The following PLEKHH1 variants were observed in gnomAD, a reference collection of about 807,000 sequenced individuals.
PLEKHH1 encodes pleckstrin homology domain-containing family H member 1.
PLEKHH1 carries 104 observed loss-of-function variants against 160.0 expected under a neutral mutation model. The ratio of observed to expected loss-of-function variants is 0.65; its 90% confidence interval spans 0.55 to 0.76. The LOEUF (loss-of-function observed/expected upper bound fraction) is 0.76. PLEKHH1 is among the 30% of genes least tolerant of loss of function. The probability of loss-of-function intolerance (pLI) is 0.00; values close to 1 mark genes in which losing one functional copy is unlikely to be tolerated. For missense variants in PLEKHH1, 1,427 were observed against 1,724.1 expected, an observed-to-expected ratio of 0.83 and a Z score of 3.05; for synonymous variants, 619 against 678.4, an observed-to-expected ratio of 0.91 and a Z score of 1.36.
chr14:67,538,788 A>G (rs1213555406), intron 1 of PLEKHH1, among the ~76,000 whole-genome samples: 1 of 152,150 alleles, frequency 6.6e-6, no homozygotes, highest in Non-Finnish European at 1.5e-5. Context: ...CAGGGAGAGG[A>G]TTAAACAGAC....
At chr14:67,581,975 A>G (rs2035922414) in intron 23 of PLEKHH1, 94 bp from the exon 24 acceptor site, 1 of 1,249,718 alleles carries the variant, frequency 8.0e-7, no homozygotes. Context: ...AGAGTACTTT[A>G]TCTTTTTGGA....
chr14:67,551,003 A>G (rs576366638), intron 2 of PLEKHH1, among the ~76,000 whole-genome samples: 4 of 152,252 alleles, frequency 2.6e-5, no homozygotes, highest in Non-Finnish European at 5.9e-5. Flanking sequence ...GTTTAGCTAC[A>G]TAAGTGTAGC....
At chr14:67,547,138 T>C (rs1212268888) in intron 2 of PLEKHH1, among the ~76,000 whole-genome samples, 2 of 151,926 alleles carry the variant, frequency 1.3e-5, no homozygotes, top group Non-Finnish European at 2.9e-5. Context: ...TAGGGGTGCA[T>C]AGTGTGATGA....
At chr14:67,534,725 C>T (rs1401093297) in intron 1 of PLEKHH1, among the ~76,000 whole-genome samples, 4 of 152,052 alleles carry the variant, frequency 2.6e-5, no homozygotes. Flanking sequence ...AAATGTGGAG[C>T]CTCTTCTGCC....
Position 67,587,372 on chromosome 14 carries a change from T to C in PLEKHH1, c.*137T>C. 2 of 997,680 alleles carry C rather than the reference T, an allele frequency of 2.0e-6. No individual in the cohort carries two copies. Among genetic ancestry groups the C allele is most frequent in the East Asian group, 2.5e-5 (1 of 40,400 alleles). 61.8% of individuals were successfully genotyped at this position (997,680 alleles called of 1,614,324 possible). A position where few individuals can be genotyped will look rare whatever the true frequency, so the allele number is the denominator to read the frequency against. On this transcript the variant is annotated 3_prime_UTR_variant, in exon 29 of 29. Transcript: ENST00000329153. ...TCTGTGAAATGTGTATTTTAGTCTC[T>C]GTGAAGCCTTTACTCTCTAGGTGCC...
At position 67,582,034 on chromosome 14, in the gene PLEKHH1, T is replaced by C; in HGVS notation, c.3285-35T>C. On this transcript the variant is annotated intron_variant, in intron 23 of 28. Transcript: ENST00000329153. This position sits in a 1 kb window ranked among gnomAD's most constrained non-coding sequence, Gnocchi z 5.0. The stretch of plus-strand genomic sequence containing the variant: ...AAGCCCCATCCCTGTTTGGAATCCC[T>C]GCTGAGTCCTGGTTTCTTATTCTCT... 1 of 1,589,116 alleles carries C rather than the reference T, an allele frequency of 6.3e-7. No individual in the cohort carries two copies. Among genetic ancestry groups the C allele is most frequent in the Non-Finnish European group, 8.6e-7 (1 of 1,166,920 alleles).
intron 7 of PLEKHH1, among the ~76,000 whole-genome samples, chr14:67,567,138 T>TCGTGTTC (rs72052449): frequency 2.0e-5 from 3 of 151,890 alleles, no homozygotes; most frequent in Non-Finnish European, 4.4e-5. Flanking sequence ...GCATGATCAC[T>TCGTGTTC]CGTGTTCCGT....
rs1006116830 is a variant in PLEKHH1 at position 67,541,840 on chromosome 14, C to T, written c.-28C>T. ...TCTGCATGCTGGTTCTTAGGGCTCC[C>T]CAGAATAATCCAGAAGTCGATTCCA... On this transcript the variant is annotated 5_prime_UTR_variant, in exon 2 of 29. Coordinates refer to ENST00000329153, the MANE Select transcript of PLEKHH1 (RefSeq NM_020715.3). 41 of 1,567,356 alleles carry T rather than the reference C, an allele frequency of 2.6e-5. No homozygotes were observed. The highest frequency in any genetic ancestry group is 3.5e-5 in the Non-Finnish European group (41 of 1,156,964).
chr14:67,569,334 C>G, intron 8 of PLEKHH1, 118 bp downstream of exon 8: 1 of 653,966 alleles, frequency 1.5e-6, no homozygotes, highest in Non-Finnish European at 2.7e-6. Flanking sequence ...TACCCTGTTC[C>G]CCTCCCCAGC....
chr14:67,568,507 G>A (rs2035215507), intron 7 of PLEKHH1, among the ~76,000 whole-genome samples: 1 of 152,080 alleles, frequency 6.6e-6, no homozygotes, highest in South Asian at 2.1e-4. Flanking sequence ...TTAATACCTA[G>A]GTGATGGGTT....
intron 15 of PLEKHH1, 70 bp from the exon 16 acceptor site, chr14:67,575,753 T>G: frequency 8.8e-7 from 1 of 1,142,340 alleles, no homozygotes; most frequent in Non-Finnish European, 1.3e-6. Context: ...ACGGAGCCTA[T>G]GTATTCAGAG....
At chr14:67,577,531 TCCCAGGG>T in intron 18 of PLEKHH1, 117 bp downstream of exon 18, 2 of 675,392 alleles carry the variant, frequency 3.0e-6, no homozygotes, top group Non-Finnish European at 2.6e-6. Flanking sequence ...GAAGGAAACT[TCCCAGGG>T]TCCCTATCAC....
chr14:67,571,944 G>T (rs768559970), intron 10 of PLEKHH1, 42 bp downstream of exon 10: 1 of 1,566,462 alleles, frequency 6.4e-7, no homozygotes, highest in Non-Finnish European at 8.7e-7. Flanking sequence ...GCAGCAAGGA[G>T]CCCCTCACCT....
chr14:67,586,368 C>A, intron 28 of PLEKHH1: 1 of 1,399,612 alleles, frequency 7.1e-7, no homozygotes, highest in Non-Finnish European at 9.4e-7. Flanking sequence ...TTCTCTCAAG[C>A]CCCAGCATCA....
chr14:67,550,036 T>G (rs2034333575), intron 2 of PLEKHH1, among the ~76,000 whole-genome samples: 1 of 152,284 alleles, frequency 6.6e-6, no homozygotes, highest in South Asian at 2.1e-4. Context: ...GTTCTGGGGT[T>G]GTGGGGTACA....
chr14:67,549,273 A>ATT (rs113718534), intron 2 of PLEKHH1, among the ~76,000 whole-genome samples: 5 of 139,990 alleles, frequency 3.6e-5, no homozygotes, highest in African/African-American at 5.2e-5. Context: ...GAGATTTTTA[A>ATT]TTTTTTTTTT....
At chr14:67,564,195 GT>G (rs2034977448) in intron 7 of PLEKHH1, among the ~76,000 whole-genome samples, 1 of 152,134 alleles carries the variant, frequency 6.6e-6, no homozygotes, top group African/African-American at 2.4e-5. Flanking sequence ...TAGAGTCGGG[GT>G]TTCACCATGT....
At chr14:67,569,793 G>GC (rs2035282739) in intron 8 of PLEKHH1, 128 bp from the exon 9 acceptor site, 3 of 679,032 alleles carry the variant, frequency 4.4e-6, no homozygotes, top group South Asian at 3.4e-5. Context: ...CAGGGCCCTG[G>GC]CCCCCCTCTT....
intron 1 of PLEKHH1, among the ~76,000 whole-genome samples, chr14:67,536,316 T>A (rs1407853709): frequency 6.6e-6 from 1 of 151,726 alleles, no homozygotes; most frequent in Non-Finnish European, 1.5e-5. Context: ...CCCAGCCTCA[T>A]CCCCAGAAAC....
Sources: allele counts gnomAD v4.1 joint callset (sites outside exome capture counted in the v4.1 genomes callset), GRCh38; gene constraint gnomAD v4.1.1; non-coding constraint Gnocchi (gnomAD v3.1); transcripts MANE v1.5; gene names NCBI Gene and HGNC (gene_info 2026-07-23, HGNC 2026-07-21).